SNTG2: variants seen among roughly 807,000 people sequenced by gnomAD.
SNTG2 encodes the protein gamma-2-syntrophin.
SNTG2 carries 74 observed loss-of-function variants against 70.9 expected under a neutral mutation model. That is an observed-to-expected ratio of 1.04 (90% CI 0.86 to 1.27). The LOEUF (loss-of-function observed/expected upper bound fraction) is 1.27, where lower values mean the gene tolerates loss of function less well. Ranked by LOEUF, SNTG2 falls within the 50% of genes most tolerant of loss-of-function variation. The pLI, the probability that SNTG2 is intolerant of heterozygous loss-of-function variation, is 0.00. For synonymous variants in SNTG2, 278 were observed against 273.8 expected (o/e 1.02, Z -0.15); for missense variants, 717 against 690.7 (o/e 1.04, Z -0.43).
intron 16 of SNTG2, chr2:1,341,467 G>GGGAA (rs2148295679): frequency 6.6e-6 from 1 of 152,302 alleles, no homozygotes; most frequent in South Asian, 2.1e-4. Context: ...AGGGTATGTG[G>GGGAA]GAGTGAAGGT....
chr2:1,154,367 A>G (rs7579519), intron 6 of SNTG2, among the ~76,000 whole-genome samples: 129,826 of 152,126 alleles, frequency 0.85, 55,774 homozygotes, highest in Middle Eastern at 0.95. Flanking sequence ...TGGGACGCCA[A>G]AGCACACAGC....
At chr2:1,119,538 G>A (rs184515076) in intron 4 of SNTG2, among the ~76,000 whole-genome samples, 18 of 147,148 alleles carry the variant, frequency 1.2e-4, no homozygotes, top group African/African-American at 3.7e-4. Flanking sequence ...CTGTGGAGGA[G>A]AAGTTAAAGG....
intron 9 of SNTG2, among the ~76,000 whole-genome samples, chr2:1,233,060 A>G (rs2148083276): frequency 6.6e-6 from 1 of 152,358 alleles, no homozygotes; most frequent in African/African-American, 2.4e-5. Flanking sequence ...GCCATCATTT[A>G]TGGATGAAAG....
chr2:960,941 G>A (rs1013561511), intron 1 of SNTG2, among the ~76,000 whole-genome samples: 1 of 152,212 alleles, frequency 6.6e-6, no homozygotes, highest in African/African-American at 2.4e-5. Context: ...CCAGGGCACA[G>A]CCCCTGGTTT....
At chr2:1,208,494 G>A (rs750966112) in intron 8 of SNTG2, among the ~76,000 whole-genome samples, 19 of 152,298 alleles carry the variant, frequency 1.2e-4, no homozygotes, top group East Asian at 3.9e-4. Context: ...ACCTACCTCC[G>A]ACCCTTTCGT....
At chr2:978,811 G>A (rs1208052740) in intron 1 of SNTG2, among the ~76,000 whole-genome samples, 1 of 152,216 alleles carries the variant, frequency 6.6e-6, no homozygotes, top group Non-Finnish European at 1.5e-5. Flanking sequence ...TTAGTCTCAT[G>A]TTCTCACTAA....
intron 2 of SNTG2, among the ~76,000 whole-genome samples, chr2:1,090,840 A>T (rs1223079847): frequency 6.6e-6 from 1 of 151,992 alleles, no homozygotes; most frequent in African/African-American, 2.4e-5. Context: ...GTTAAATACC[A>T]CCCTTTTGTC....
intron 4 of SNTG2, among the ~76,000 whole-genome samples, chr2:1,123,839 A>ATAG (rs1667529895): frequency 4.3e-3 from 13 of 3,046 alleles, no homozygotes; most frequent in African/African-American, 4.4e-3. Context: ...ATTCAGGTTA[A>ATAG]TAGAACAAGT....
chr2:1,059,372 AAATAAT>A (rs67992876), intron 1 of SNTG2: 4 of 151,186 alleles, frequency 2.6e-5, no homozygotes, highest in African/African-American at 7.3e-5. Context: ...AAAAAAAAAA[AAATAAT>A]AATAATCAGT....
chr2:966,061 A>C (rs568539166), intron 1 of SNTG2, among the ~76,000 whole-genome samples: 1 of 152,138 alleles, frequency 6.6e-6, no homozygotes, highest in African/African-American at 2.4e-5. Flanking sequence ...GCCTCCATGC[A>C]TGCCCAGGGT....
chr2:1,167,713 TGAAGCCTAGAAGCCGCCCACAGAC>T (rs1670824730), intron 7 of SNTG2, among the ~76,000 whole-genome samples: 14 of 81,834 alleles, frequency 1.7e-4, no homozygotes, highest in South Asian at 5.9e-4. Flanking sequence ...ACGGCAGAAC[TGAAGCCTAGAAGCCGCCCACAGAC>T]GGCAGAACTG....
At chr2:1,226,464 C>T (rs1675784288) in intron 9 of SNTG2, among the ~76,000 whole-genome samples, 1 of 152,268 alleles carries the variant, frequency 6.6e-6, no homozygotes, top group Admixed American at 6.5e-5. Flanking sequence ...GCGGCATTTC[C>T]GTTGGAATCA....
At chr2:1,149,672 GTTTTTTTTTTTTTTTTTTTTTT>G (rs1221169268) in intron 6 of SNTG2, among the ~76,000 whole-genome samples, 1 of 146,474 alleles carries the variant, frequency 6.8e-6, no homozygotes, top group South Asian at 2.2e-4. Flanking sequence ...GTTGATTAGC[GTTTTTTTTTTTTTTTTTTTTTT>G]TTTTTTTTTT....
intron 1 of SNTG2, among the ~76,000 whole-genome samples, chr2:1,004,102 C>G (rs1337171292): frequency 2.0e-5 from 3 of 152,172 alleles, no homozygotes; most frequent in African/African-American, 7.2e-5. Flanking sequence ...ACTGTGCAAC[C>G]TATTTGGTTT....
chr2:1,232,036 A>T (rs149019392), intron 9 of SNTG2, among the ~76,000 whole-genome samples: 1 of 152,156 alleles, frequency 6.6e-6, no homozygotes, highest in Non-Finnish European at 1.5e-5. Flanking sequence ...GTCCCTGGAC[A>T]TCGTGCTCCA....
chr2:1,339,730 A>G (rs576840922), intron 16 of SNTG2, among the ~76,000 whole-genome samples: 1 of 152,232 alleles, frequency 6.6e-6, no homozygotes, highest in Non-Finnish European at 1.5e-5. Context: ...GCCACACCAC[A>G]GTAGAGGAAG....
intron 15 of SNTG2, among the ~76,000 whole-genome samples, chr2:1,310,831 C>CT (rs1479482213): frequency 6.6e-6 from 1 of 152,176 alleles, no homozygotes; most frequent in East Asian, 1.9e-4. Context: ...ATCCAGTCAA[C>CT]TTTTAAAATA....
At chr2:1,043,669 A>G (rs943197284) in intron 1 of SNTG2, among the ~76,000 whole-genome samples, 4 of 152,152 alleles carry the variant, frequency 2.6e-5, no homozygotes, top group Admixed American at 2.6e-4. Context: ...CTGAATAGGA[A>G]GTTCTTTACC....
At chr2:951,165 C>A in intron 1 of SNTG2, 97 bp downstream of exon 1, 1 of 549,986 alleles carries the variant, frequency 1.8e-6, no homozygotes, top group Non-Finnish European at 2.7e-6. Context: ...CGCCCCCTCG[C>A]TCCCCGCGAC....
Sources: gnomAD v4.1 joint callset for allele counts (sites outside exome capture counted in the v4.1 genomes callset) on GRCh38, gnomAD v4.1.1 for gene constraint, MANE v1.5 for transcripts, NCBI Gene and HGNC (gene_info 2026-07-23, HGNC 2026-07-21) for gene names.